DDAH1: variants seen among roughly 807,000 people sequenced by gnomAD.
DDAH1 encodes N(G),N(G)-dimethylarginine dimethylaminohydrolase 1.
Under a neutral mutation model 28.8 loss-of-function variants are expected in DDAH1, and 19 were observed. The ratio of observed to expected loss-of-function variants is 0.66; its 90% CI spans 0.46 to 0.97. The LOEUF is 0.97. DDAH1 is among the 50% of genes least tolerant of loss of function. DDAH1 has a pLI of 0.00. For missense variants in DDAH1, 326 were observed against 375.9 expected, an observed-to-expected ratio of 0.87 and a Z score of 1.10; for synonymous variants, 153 against 154.4, an observed-to-expected ratio of 0.99 and a Z score of 0.07.
rs775314974 is a variant in DDAH1 at position 85,464,928 on chromosome 1, C to G, written c.118G>C (p.Val40Leu). 1 of 1,548,284 alleles carries G rather than the reference C, an allele frequency of 6.5e-7. No homozygotes were observed. The highest frequency in any genetic ancestry group is 8.6e-7 in the Non-Finnish European group (1 of 1,158,196). Residue 40 changes from valine (V) to leucine (L), a missense_variant, in exon 1 of 6, where the codon GTC (valine) becomes CTC (leucine). Transcript: ENST00000284031. This position sits in a 1 kb window ranked among gnomAD's most constrained non-coding sequence, Gnocchi z 4.4. Reference protein sequence around the residue: ...LRSAKGEEVDVARAERQHQLY... With the variant: ...LRSAKGEEVDLARAERQHQLY... ...TGGTGCTGCCGTTCCGCGCGGGCGA[C>G]GTCCACCTCCTCGCCCTTGGCGCTT...
At chr1:85,336,073 G>A (rs1274869138) in intron 4 of DDAH1, among the ~76,000 whole-genome samples, 1 of 152,078 alleles carries the variant, frequency 6.6e-6, no homozygotes, top group African/African-American at 2.4e-5. Flanking sequence ...AATAGCTAGG[G>A]ACTTCAACAC....
chr1:85,560,450 C>A (rs575032691), intron 1 of DDAH1, among the ~76,000 whole-genome samples: 1 of 151,832 alleles, frequency 6.6e-6, no homozygotes, highest in Admixed American at 6.6e-5. Flanking sequence ...ATAATTGAAG[C>A]AAAAATATTT....
chr1:85,536,478 G>A (rs1429805376), intron 1 of DDAH1, among the ~76,000 whole-genome samples: 4 of 152,034 alleles, frequency 2.6e-5, no homozygotes, highest in African/African-American at 7.2e-5. Flanking sequence ...GCTTGAACCC[G>A]GGAGGCGAAG....
At chr1:85,530,200 G>T (rs1326895419) in intron 1 of DDAH1, among the ~76,000 whole-genome samples, 2 of 152,168 alleles carry the variant, frequency 1.3e-5, no homozygotes, top group African/African-American at 4.8e-5. Flanking sequence ...GGACAGCATG[G>T]TCCAAAGTAT....
At chr1:85,394,695 T>C (rs898606174) in intron 1 of DDAH1, among the ~76,000 whole-genome samples, 1 of 152,232 alleles carries the variant, frequency 6.6e-6, no homozygotes, top group African/African-American at 2.4e-5. Context: ...AGTGGCCAGC[T>C]TTGTTTAACG....
chr1:85,503,760 G>A (rs1656909164), intron 1 of DDAH1, among the ~76,000 whole-genome samples: 1 of 152,182 alleles, frequency 6.6e-6, no homozygotes, highest in African/African-American at 2.4e-5. Context: ...AATAAAGCAG[G>A]AAGATGGGAT....
chr1:85,534,157 C>G (rs561528123), intron 1 of DDAH1, among the ~76,000 whole-genome samples: 1 of 152,296 alleles, frequency 6.6e-6, no homozygotes, highest in Admixed American at 6.5e-5. Context: ...GTAATCTCCC[C>G]TAATCTATCC....
At chr1:85,450,916 T>C (rs549816689) in intron 1 of DDAH1, among the ~76,000 whole-genome samples, 15 of 152,314 alleles carry the variant, frequency 9.8e-5, no homozygotes, top group African/African-American at 3.6e-4. Context: ...AAGTATTCAT[T>C]CACTTAGAAG....
intron 1 of DDAH1, among the ~76,000 whole-genome samples, chr1:85,458,456 G>A (rs1249963336): frequency 1.6e-5 from 2 of 127,308 alleles, no homozygotes; most frequent in Non-Finnish European, 3.2e-5. Flanking sequence ...TTTAGACAGA[G>A]TCTTGCTCTG....
intron 1 of DDAH1, among the ~76,000 whole-genome samples, chr1:85,551,874 T>C (rs770460281): frequency 1.1e-4 from 16 of 152,188 alleles, no homozygotes; most frequent in South Asian, 2.1e-4. Context: ...GGAATGGCTA[T>C]GGGTTGGCAA....
At chr1:85,533,449 C>T (rs1393785986) in intron 1 of DDAH1, among the ~76,000 whole-genome samples, 23 of 152,126 alleles carry the variant, frequency 1.5e-4, no homozygotes, top group African/African-American at 5.6e-4. Flanking sequence ...CCACCACACC[C>T]AGCCAAGAAA....
At chr1:85,465,276 C>A (rs1390512744), upstream of DDAH1, 17 of 1,019,190 alleles carry the variant, frequency 1.7e-5, no homozygotes, top group African/African-American at 3.4e-5. Flanking sequence ...TCGCGGGTCT[C>A]GCGCCAGCCC....
At chr1:85,394,882 C>A (rs1028196380) in intron 1 of DDAH1, among the ~76,000 whole-genome samples, 1 of 152,090 alleles carries the variant, frequency 6.6e-6, no homozygotes, top group Non-Finnish European at 1.5e-5. Flanking sequence ...AATACTGACC[C>A]ATTAATTGCT....
intron 1 of DDAH1, among the ~76,000 whole-genome samples, chr1:85,369,055 C>CT (rs36109764): frequency 0.16 from 13,566 of 84,674 alleles, 1,401 homozygotes; most frequent in Non-Finnish European, 0.21. Flanking sequence ...CCAGGGGATT[C>CT]TTTTTTTTTT....
At chr1:85,561,563 G>A (rs975748062) in intron 1 of DDAH1, among the ~76,000 whole-genome samples, 40 of 151,958 alleles carry the variant, frequency 2.6e-4, no homozygotes, top group African/African-American at 8.9e-4. Context: ...ATCCTACTGT[G>A]ATCTCTTACA....
rs1322372341 is a variant in DDAH1, at chr1:85,464,950, G to A, written c.96C>T (p.Ser32=). The A allele has an allele frequency of 1.3e-6, 2 of 1,505,956 alleles. No homozygotes were observed. Among genetic ancestry groups the A allele is most frequent in the South Asian group, 2.5e-5 (2 of 80,434 alleles). 93.3% of individuals were successfully genotyped at this position (1,505,956 alleles called of 1,614,324 possible). Residue 32 remains serine (S), a synonymous_variant, in exon 1 of 6, where the codon AGC becomes AGT. Transcript: ENST00000284031. The surrounding 1 kb of genome is among the most constrained non-coding windows in gnomAD (Gnocchi z 4.4). The part of the protein sequence containing the change: ...PESLGQHALR[S]AKGEEVDVAR... Reference sequence around the variant, plus strand: ...CGACGTCCACCTCCTCGCCCTTGGCGCTTCTCAGCGCGTGCTGGCCGAGCG... The same window carrying A: ...CGACGTCCACCTCCTCGCCCTTGGCACTTCTCAGCGCGTGCTGGCCGAGCG...
At chr1:85,463,060 C>T (rs1441323250) in intron 1 of DDAH1, among the ~76,000 whole-genome samples, 1 of 152,220 alleles carries the variant, frequency 6.6e-6, no homozygotes, top group Non-Finnish European at 1.5e-5. Flanking sequence ...AGGCAAGAGA[C>T]ACTCCCTAAA....
intron 2 of DDAH1, among the ~76,000 whole-genome samples, chr1:85,491,007 A>T (rs967439231): frequency 1.3e-5 from 2 of 150,552 alleles, no homozygotes; most frequent in Non-Finnish European, 3.0e-5. Flanking sequence ...CTTGCCCAAT[A>T]CACTTCCCTC....
At chr1:85,355,853 C>T (rs1649462646) in intron 2 of DDAH1, among the ~76,000 whole-genome samples, 1 of 152,074 alleles carries the variant, frequency 6.6e-6, no homozygotes. Context: ...CAACTTAGAT[C>T]AAAAGTAGAA....
Sources: gnomAD v4.1 joint callset for allele counts (sites outside exome capture counted in the v4.1 genomes callset) on GRCh38, gnomAD v4.1.1 for gene constraint, Gnocchi (gnomAD v3.1) non-coding constraint, MANE v1.5 for transcripts, NCBI Gene and HGNC (gene_info 2026-07-23, HGNC 2026-07-21) for gene names.